Variants in UBR2 observed in about 807,000 individuals in gnomAD.
The protein encoded by UBR2 is ubiquitin protein ligase E3 component n-recognin 2, also known as E3 ubiquitin-protein ligase UBR2.
A neutral mutation model predicts 247.9 loss-of-function variants in UBR2; 92 were observed. That is an observed-to-expected ratio of 0.37 (90% CI 0.31 to 0.44). The LOEUF is 0.44. UBR2 is among the 20% of genes least tolerant of loss of function. The pLI is 1.00. For missense variants in UBR2, 1,613 were observed against 2,112.6 expected (o/e 0.76, Z 4.64); for synonymous variants, 672 against 693.5 (o/e 0.97, Z 0.49).
chr6:42,564,254 G>A lies in UBR2; in HGVS notation c.-66G>A. The A allele has an allele frequency of 6.4e-7, 1 of 1,560,522 alleles. No homozygotes were observed. ...TGGGGCAGGGGTGGCAGTCGAGGCCGCCGGGGCCGAGGTGAGGCTGCAGCT... is the reference window on the plus strand; with the variant it reads ...TGGGGCAGGGGTGGCAGTCGAGGCCACCGGGGCCGAGGTGAGGCTGCAGCT... On this transcript the variant is annotated 5_prime_UTR_variant, in exon 1 of 47. Coordinates refer to ENST00000372901, the MANE Select transcript of UBR2 (RefSeq NM_001363705.2).
At chr6:42,604,668 C>CT (rs1793586945) in intron 5 of UBR2, among the ~76,000 whole-genome samples, 1 of 152,116 alleles carries the variant, frequency 6.6e-6, no homozygotes, top group African/African-American at 2.4e-5. Context: ...TCAAAGTGAA[C>CT]TTTAAGGCAA....
At chr6:42,690,078 A>T (rs1799666344) in intron 46 of UBR2, among the ~76,000 whole-genome samples, 1 of 152,222 alleles carries the variant, frequency 6.6e-6, no homozygotes, top group Non-Finnish European at 1.5e-5. Context: ...GGGGACAAAG[A>T]TTTAAAACAT....
intron 2 of UBR2, among the ~76,000 whole-genome samples, chr6:42,590,382 AGACTC>A (rs1315507809): frequency 2.0e-5 from 3 of 152,234 alleles, no homozygotes; most frequent in Non-Finnish European, 4.4e-5. Flanking sequence ...AATGAGGACA[AGACTC>A]TAGCTTTACT....
chr6:42,572,715 C>CTT (rs113520755), intron 1 of UBR2, among the ~76,000 whole-genome samples: 1 of 142,258 alleles, frequency 7.0e-6, no homozygotes, highest in Non-Finnish European at 1.6e-5. Flanking sequence ...AGAAGTGAGT[C>CTT]TTTTTTTTTT....
chr6:42,590,809 G>T (rs945645153), intron 2 of UBR2, among the ~76,000 whole-genome samples: 3 of 152,206 alleles, frequency 2.0e-5, no homozygotes, highest in African/African-American at 7.2e-5. Context: ...AGTGATCTAA[G>T]ATTTGAACAA....
At chr6:42,666,649 ACAACATCTAATC>A (rs569519011) in intron 34 of UBR2, among the ~76,000 whole-genome samples, 57 of 152,244 alleles carry the variant, frequency 3.7e-4, no homozygotes, top group Middle Eastern at 3.4e-3. Flanking sequence ...GCTCTCCTTG[ACAACATCTAATC>A]AGTAATTCTA....
intron 1 of UBR2, among the ~76,000 whole-genome samples, chr6:42,572,874 T>G (rs2151902215): frequency 6.6e-6 from 1 of 152,226 alleles, no homozygotes; most frequent in Non-Finnish European, 1.5e-5. Context: ...CCAGCTAATT[T>G]TTATATTTTT....
intron 11 of UBR2, among the ~76,000 whole-genome samples, chr6:42,628,264 TTA>T (rs1795476581): frequency 6.6e-6 from 1 of 152,156 alleles, no homozygotes; most frequent in African/African-American, 2.4e-5. Context: ...AAGAATACTT[TTA>T]TAGTTCTTTA....
intron 34 of UBR2, among the ~76,000 whole-genome samples, chr6:42,668,525 T>C (rs1341654568): frequency 6.6e-6 from 1 of 152,030 alleles, no homozygotes; most frequent in African/African-American, 2.4e-5. Flanking sequence ...CTGCAACCTC[T>C]GCATCCCGGA....
At chr6:42,585,876 T>G (rs1347249206) in intron 2 of UBR2, among the ~76,000 whole-genome samples, 2 of 152,182 alleles carry the variant, frequency 1.3e-5, no homozygotes, top group South Asian at 2.1e-4. Context: ...TCTATTTTGT[T>G]TTATTGATTT....
Position 42,663,551 on chromosome 6 carries a change from A to G in UBR2, c.3698+132A>G, listed in dbSNP as rs142568570. On this transcript the variant is annotated intron_variant, in intron 32 of 46. Transcript: ENST00000372901. ...TCCAGATACTTTCCAAACTCTAATCATTTTCTTCTAGCAGACCTGTGGAAT... is the reference window on the plus strand; with the variant it reads ...TCCAGATACTTTCCAAACTCTAATCGTTTTCTTCTAGCAGACCTGTGGAAT... The G allele has an allele frequency of 5.1e-3, 4,730 of 928,490 alleles. 19 individuals are homozygous for G. The highest frequency in any genetic ancestry group is 0.013 in the South Asian group (531 of 42,092). 57.5% of individuals were successfully genotyped at this position (928,490 alleles called of 1,614,324 possible).
Position 42,632,069 on chromosome 6 carries a change from A to ATATATAT in UBR2, c.1282-483_1282-482insTATATAT, listed in dbSNP as rs1554254887. On this transcript the variant is annotated intron_variant, in intron 11 of 46. Coordinates refer to ENST00000372901, the MANE Select transcript of UBR2 (RefSeq NM_001363705.2). ...TATTTGCTTATTTAAAAAAAAAAAA[A>ATATATAT]ATATATATATATATATATATATGTA... 8.2e-4 allele frequency among the ~76,000 whole-genome samples: 94 copies of ATATATAT among 114,074 alleles called. 1 individual carries two copies. The highest frequency in any genetic ancestry group is 4.9e-3 in the Middle Eastern group (1 of 206). 74.8% of individuals were successfully genotyped at this position (114,074 alleles called of 152,430 possible).
chr6:42,654,495 C>T (rs1032073453), intron 25 of UBR2, among the ~76,000 whole-genome samples: 2 of 152,048 alleles, frequency 1.3e-5, no homozygotes, highest in Non-Finnish European at 1.5e-5. Context: ...GAGGCCAAGG[C>T]GGGTAGATCA....
chr6:42,614,622 C>T (rs777413089), intron 8 of UBR2, among the ~76,000 whole-genome samples: 7 of 152,024 alleles, frequency 4.6e-5, no homozygotes, highest in Non-Finnish European at 8.8e-5. Context: ...TTTTCTGTAG[C>T]ATTAATAAAA....
chr6:42,659,925 T>C lies in UBR2; in HGVS notation c.3442+70T>C. On this transcript the variant is annotated intron_variant, in intron 30 of 46. Transcript: ENST00000372901. This position sits in a 1 kb window ranked among gnomAD's most constrained non-coding sequence, Gnocchi z 4.3. The stretch of plus-strand genomic sequence containing the variant: ...CCAGTTAATGTGGTTGGTGATACGT[T>C]GAGATTTTTTAAACCTAAAAATAAC... 1 of 1,480,938 alleles carries C rather than the reference T, an allele frequency of 6.8e-7. No individual in the cohort carries two copies. 91.7% of individuals were successfully genotyped at this position (1,480,938 alleles called of 1,614,324 possible).
chr6:42,687,399 A>G (rs1393119388), intron 44 of UBR2, among the ~76,000 whole-genome samples: 4 of 152,212 alleles, frequency 2.6e-5, no homozygotes, highest in Non-Finnish European at 5.9e-5. Context: ...CAGGAGAATC[A>G]GGCAGGGAGG....
intron 2 of UBR2, among the ~76,000 whole-genome samples, chr6:42,576,236 C>T (rs1488657307): frequency 1.3e-5 from 2 of 152,118 alleles, no homozygotes; most frequent in Non-Finnish European, 2.9e-5. Context: ...TATTTTATAC[C>T]TATCTGTATA....
In UBR2 at chr6:42,564,313, A is replaced by G; in HGVS notation, c.-7A>G. ...GGCGGTAGCGCTGGGGAGGAGGAGG[A>G]GAGAAGATGGCGTCGGAGCTAGAGC... On this transcript the variant is annotated 5_prime_UTR_variant, in exon 1 of 47. Transcript: ENST00000372901. 1 of 1,608,366 alleles carries G rather than the reference A, an allele frequency of 6.2e-7. No homozygotes were observed. The highest frequency in any genetic ancestry group is 8.5e-7 in the Non-Finnish European group (1 of 1,177,960).
At chr6:42,572,837 T>A (rs998136674) in intron 1 of UBR2, among the ~76,000 whole-genome samples, 2 of 152,084 alleles carry the variant, frequency 1.3e-5, no homozygotes, top group South Asian at 4.1e-4. Context: ...CTTGAGTAAC[T>A]GTGATTACAG....
Sources: allele counts gnomAD v4.1 joint callset (sites outside exome capture counted in the v4.1 genomes callset), GRCh38; gene constraint gnomAD v4.1.1; non-coding constraint Gnocchi (gnomAD v3.1); transcripts MANE v1.5; gene names NCBI Gene and HGNC (gene_info 2026-07-23, HGNC 2026-07-21).